The following LY86 variants were observed in gnomAD, a reference collection of about 807,000 sequenced individuals.
LY86 encodes MD-1, RP105-associated.
LY86 carries 20 observed loss-of-function variants against 17.3 expected under a neutral mutation model. The ratio of observed to expected loss-of-function variants is 1.15; its 90% CI spans 0.81 to 1.68. The LOEUF is 1.68. Ranked by LOEUF, LY86 falls within the 40% of genes most tolerant of loss-of-function variation. LY86 has a pLI of 0.00. For synonymous variants in LY86, 74 were observed against 70.6 expected, an observed-to-expected ratio of 1.05 and a Z score of -0.24; for missense variants, 200 against 191.9, an observed-to-expected ratio of 1.04 and a Z score of -0.25.
chr6:6,611,173 C>G (rs1413327487), intron 1 of LY86, among the ~76,000 whole-genome samples: 1 of 152,202 alleles, frequency 6.6e-6, no homozygotes, highest in African/African-American at 2.4e-5. Flanking sequence ...AAAAGCACAA[C>G]TGACTTGATT....
intron 1 of LY86, among the ~76,000 whole-genome samples, chr6:6,606,016 A>C (rs4265064): frequency 1.7e-4 from 26 of 152,040 alleles, no homozygotes; most frequent in Admixed American, 3.3e-4. Flanking sequence ...AAAGAACAAA[A>C]CTTCCACAGC....
intron 1 of LY86, among the ~76,000 whole-genome samples, chr6:6,615,376 GAGGCCCCAACTGACATCT>G (rs1221426627): frequency 2.6e-5 from 4 of 152,174 alleles, no homozygotes; most frequent in Non-Finnish European, 4.4e-5. Context: ...CAAGGGCTGG[GAGGCCCCAACTGACATCT>G]AGGTTTCATC....
Position 6,654,596 on chromosome 6 carries a change from C to T in LY86, c.458C>T (p.Ala153Val). The change falls in exon 5 of 5, where the codon GCC becomes GTC. Residue 153 changes from alanine (A) to valine (V), a missense_variant. By Grantham distance (64) the Ala-to-Val change is moderately conservative (BLOSUM62 0). Coordinates refer to ENST00000230568, the MANE Select transcript of LY86 (RefSeq NM_004271.4). The part of the protein sequence containing the change: ...ELYTEKRSTV[A>V]CANATIMCS Reference sequence around the variant, plus strand: ...TACACTGAAAAACGGTCCACCGTGGCCTGTGCCAATGCTACTATCATGTGC... The same window carrying T: ...TACACTGAAAAACGGTCCACCGTGGTCTGTGCCAATGCTACTATCATGTGC... 6.2e-7 allele frequency: 1 copy of T among 1,614,210 alleles called. No individual in the cohort carries two copies. The highest frequency in any genetic ancestry group is 8.5e-7 in the Non-Finnish European group (1 of 1,180,030).
chr6:6,601,166 T>C (rs1389289460), intron 1 of LY86, among the ~76,000 whole-genome samples: 1 of 152,052 alleles, frequency 6.6e-6, no homozygotes, highest in Non-Finnish European at 1.5e-5. Context: ...CAGGAGACTC[T>C]TACGTAAATA....
chr6:6,607,046 TG>T (rs1761186869), intron 1 of LY86, among the ~76,000 whole-genome samples: 1 of 152,232 alleles, frequency 6.6e-6, no homozygotes, highest in African/African-American at 2.4e-5. Context: ...GCACGGGACG[TG>T]AACACTAGGA....
chr6:6,601,178 T>C (rs1760895649), intron 1 of LY86, among the ~76,000 whole-genome samples: 1 of 152,164 alleles, frequency 6.6e-6, no homozygotes, highest in East Asian at 1.9e-4. Context: ...ACGTAAATAC[T>C]ACCTGATCTC....
At chr6:6,616,351 C>G (rs574918030) in intron 1 of LY86, among the ~76,000 whole-genome samples, 1 of 152,170 alleles carries the variant, frequency 6.6e-6, no homozygotes, top group Non-Finnish European at 1.5e-5. Context: ...CTGTCTGCCT[C>G]GCTCATGTAC....
intron 3 of LY86, among the ~76,000 whole-genome samples, chr6:6,648,592 C>G (rs1217848374): frequency 6.6e-6 from 1 of 152,218 alleles, no homozygotes; most frequent in African/African-American, 2.4e-5. Context: ...CTTACAGACG[C>G]CTCCATGACC....
chr6:6,602,816 T>G (rs1760953597), intron 1 of LY86, among the ~76,000 whole-genome samples: 1 of 152,176 alleles, frequency 6.6e-6, no homozygotes, highest in Admixed American at 6.5e-5. Flanking sequence ...CCGACTTAAC[T>G]GTGTATTGGA....
intron 1 of LY86, among the ~76,000 whole-genome samples, chr6:6,598,710 A>G (rs1484472789): frequency 6.6e-6 from 1 of 150,764 alleles, no homozygotes; most frequent in East Asian, 2.0e-4. Flanking sequence ...CCCTTATTGT[A>G]TATTGACCTG....
chr6:6,607,728 C>T lies in LY86; in HGVS notation c.137-17198C>T, dbSNP rs1481909442. Among the ~76,000 whole-genome samples, 4 of 151,994 alleles carry T rather than the reference C, an allele frequency of 2.6e-5. No homozygotes were observed. In the South Asian group the frequency reaches 8.3e-4, roughly 32 times the overall value. On this transcript the variant is annotated intron_variant, in intron 1 of 4. Coordinates refer to ENST00000230568, the MANE Select transcript of LY86 (RefSeq NM_004271.4). ...CAGCCTGGCCAACATGGCGAAACCC[C>T]GTCTCTACAAAAAATACAAAAATTA...
chr6:6,606,416 G>A (rs976982975), intron 1 of LY86, among the ~76,000 whole-genome samples: 8 of 152,196 alleles, frequency 5.3e-5, no homozygotes, highest in African/African-American at 1.9e-4. Flanking sequence ...TCACCCACTG[G>A]ATCCTGCACC....
intron 3 of LY86, among the ~76,000 whole-genome samples, chr6:6,633,991 G>A (rs566204493): frequency 3.9e-5 from 6 of 152,220 alleles, no homozygotes; most frequent in African/African-American, 1.4e-4. Flanking sequence ...TGAAAGCTGC[G>A]ATTGATGTAA....
chr6:6,630,189 G>A (rs1287408300), intron 3 of LY86, among the ~76,000 whole-genome samples: 2 of 152,230 alleles, frequency 1.3e-5, no homozygotes, highest in Admixed American at 6.5e-5. Context: ...AAAGAATAGA[G>A]AGAATAAATT....
Position 6,639,024 on chromosome 6 carries a change from C to T in LY86, c.353-10601C>T, listed in dbSNP as rs1291660476. On this transcript the variant is annotated intron_variant, in intron 3 of 4. Coordinates refer to ENST00000230568, the MANE Select transcript of LY86 (RefSeq NM_004271.4). ...CACAATAGCAAAGACTTGGAACCAACCCACATGTCCAACAATGATAGACTG... is the reference window on the plus strand; with the variant it reads ...CACAATAGCAAAGACTTGGAACCAATCCACATGTCCAACAATGATAGACTG... 2.6e-5 allele frequency among the ~76,000 whole-genome samples: 4 copies of T among 152,152 alleles called. No individual in the cohort carries two copies. The East Asian group carries it at 7.7e-4, about 29-fold the overall frequency.
At position 6,617,205 on chromosome 6, in the gene LY86, A is replaced by G. The variant is rs1050213171; in HGVS notation, c.137-7721A>G. On this transcript the variant is annotated intron_variant, in intron 1 of 4. Coordinates refer to ENST00000230568, the MANE Select transcript of LY86 (RefSeq NM_004271.4). ...GCCCTAGTAATCTGGTCGCTACTTA[A>G]CCAATAGTAGGGCTCTGGGTGAACT... 3.9e-5 allele frequency among the ~76,000 whole-genome samples: 6 copies of G among 152,310 alleles called. No individual in the cohort carries two copies. In the East Asian group the frequency reaches 1.2e-3, roughly 29 times the overall value.
At chr6:6,598,199 T>G (rs1760778623) in intron 1 of LY86, among the ~76,000 whole-genome samples, 1 of 152,250 alleles carries the variant, frequency 6.6e-6, no homozygotes, top group Non-Finnish European at 1.5e-5. Context: ...CAAATTTGTC[T>G]TAAACATCTA....
intron 3 of LY86, among the ~76,000 whole-genome samples, chr6:6,639,395 G>T (rs1466754259): frequency 6.6e-6 from 1 of 152,202 alleles, no homozygotes; most frequent in East Asian, 1.9e-4. Context: ...CAAGGCCGCT[G>T]TATTAGCTTT....
chr6:6,625,925 C>T (rs1031409262), intron 2 of LY86, among the ~76,000 whole-genome samples: 10 of 152,130 alleles, frequency 6.6e-5, no homozygotes, highest in East Asian at 3.8e-4. Context: ...TGTATGTAGG[C>T]GTGACCACAC....
Sources: allele counts gnomAD v4.1 joint callset (sites outside exome capture counted in the v4.1 genomes callset), GRCh38; gene constraint gnomAD v4.1.1; transcripts MANE v1.5; gene names NCBI Gene and HGNC (gene_info 2026-07-23, HGNC 2026-07-21).